CSMD3: variants seen among roughly 807,000 people sequenced by gnomAD.
The protein encoded by CSMD3 is CUB and sushi domain-containing protein 3.
A neutral mutation model predicts 435.2 loss-of-function variants in CSMD3; 177 were observed. The observed-to-expected ratio is 0.41, with a 90% CI of 0.36 to 0.46. The LOEUF (loss-of-function observed/expected upper bound fraction) is 0.46, where lower values mean the gene tolerates loss of function less well. Ranked by LOEUF, CSMD3 falls within the 20% of genes least tolerant of loss-of-function variation. The pLI is 0.34. For missense variants in CSMD3, 4,265 were observed against 4,504.6 expected (o/e 0.95, Z 1.52); for synonymous variants, 1,656 against 1,520.5 (o/e 1.09, Z -2.07).
At chr8:112,370,011 GGAA>G (rs201339318) in intron 38 of CSMD3, among the ~76,000 whole-genome samples, 7 of 39,116 alleles carry the variant, frequency 1.8e-4, no homozygotes, top group African/African-American at 5.0e-4. Context: ...AAGAGGAAGA[GGAA>G]GAAGAAGAGG....
At chr8:112,559,828 C>A (rs559088980) in intron 24 of CSMD3, among the ~76,000 whole-genome samples, 4 of 151,724 alleles carry the variant, frequency 2.6e-5, no homozygotes, top group Non-Finnish European at 5.9e-5. Flanking sequence ...ATAAATACAC[C>A]AAGGACAATT....
At chr8:112,681,959 A>G (rs1443764784) in intron 16 of CSMD3, among the ~76,000 whole-genome samples, 1 of 152,166 alleles carries the variant, frequency 6.6e-6, no homozygotes, top group African/African-American at 2.4e-5. Flanking sequence ...TTGGAAAAAT[A>G]AAAACTGAAA....
intron 11 of CSMD3, among the ~76,000 whole-genome samples, chr8:112,835,050 T>G (rs1036893513): frequency 2.0e-5 from 3 of 151,878 alleles, no homozygotes; most frequent in Non-Finnish European, 4.4e-5. Flanking sequence ...GATTGCTTAG[T>G]GTTGCTTATT....
chr8:112,552,470 G>T lies in CSMD3; in HGVS notation c.4361+124C>A. On this transcript the variant is annotated intron_variant, in intron 26 of 70. Transcript: ENST00000297405. ...CCTGCCTTCCGGTCTGGATGTCAGAGCAAGACTCTGCCTCAAGAAAAACAA... is the reference window on the plus strand; with the variant it reads ...CCTGCCTTCCGGTCTGGATGTCAGATCAAGACTCTGCCTCAAGAAAAACAA... 4.1e-6 allele frequency: 4 copies of T among 964,588 alleles called. No individual in the cohort carries two copies. In the South Asian group the frequency reaches 5.8e-5, roughly 14 times the overall value. 59.8% of individuals were successfully genotyped at this position (964,588 alleles called of 1,614,324 possible).
chr8:113,299,644 C>A (rs1186737742), intron 2 of CSMD3, among the ~76,000 whole-genome samples: 3 of 151,650 alleles, frequency 2.0e-5, no homozygotes, highest in Non-Finnish European at 4.4e-5. Context: ...CAGAGAAATG[C>A]AAATTAAAAC....
chr8:112,763,506 A>T (rs2077895825), intron 13 of CSMD3, among the ~76,000 whole-genome samples: 1 of 149,900 alleles, frequency 6.7e-6, no homozygotes, highest in East Asian at 1.9e-4. Flanking sequence ...TAATATTTGA[A>T]CATTTGAACA....
At position 113,134,700 on chromosome 8, in the gene CSMD3, T is replaced by C. The variant is rs867635852; in HGVS notation, c.710-35737A>G. 1.3e-3 allele frequency among the ~76,000 whole-genome samples: 196 copies of C among 152,152 alleles called. 1 individual carries two copies. Among genetic ancestry groups the C allele is most frequent in the African/African-American group, 4.5e-3 (188 of 41,554 alleles). On this transcript the variant is annotated intron_variant, in intron 4 of 70. Transcript: ENST00000297405. ...GTTTTCAACAGCCTTTATATTTACA[T>C]ATGTATATACTCCAGGTTGGATGTG...
intron 4 of CSMD3, among the ~76,000 whole-genome samples, chr8:113,103,674 AATATT>A (rs1448567585): frequency 6.6e-6 from 1 of 152,062 alleles, no homozygotes; most frequent in Non-Finnish European, 1.5e-5. Context: ...AATTGTTTAA[AATATT>A]ATAATATAAA....
At chr8:112,397,877 C>T (rs1830984631) in intron 35 of CSMD3, among the ~76,000 whole-genome samples, 1 of 152,142 alleles carries the variant, frequency 6.6e-6, no homozygotes, top group African/African-American at 2.4e-5. Flanking sequence ...TCCCTATAGC[C>T]CCACAAGTTA....
In CSMD3 at chr8:112,361,646, A is replaced by G. The variant is rs74662061; in HGVS notation, c.6137-9112T>C. Among the ~76,000 whole-genome samples, 516 of 140,486 alleles carry G rather than the reference A, an allele frequency of 3.7e-3. 3 individuals are homozygous for G. The highest frequency in any genetic ancestry group is 0.013 in the African/African-American group (495 of 38,400). The allele number at this position is 140,486 out of a possible 152,430, so 92.2% of individuals were successfully genotyped here. ...GTCCTAGTATTCCAAATTGATTTCAAATGAGTGATTAACGCATTGAGATAC... is the reference window on the plus strand; with the variant it reads ...GTCCTAGTATTCCAAATTGATTTCAGATGAGTGATTAACGCATTGAGATAC... On this transcript the variant is annotated intron_variant, in intron 38 of 70. Transcript: ENST00000297405.
chr8:113,356,873 G>A (rs2094232990), intron 1 of CSMD3, among the ~76,000 whole-genome samples: 1 of 151,936 alleles, frequency 6.6e-6, no homozygotes, highest in Non-Finnish European at 1.5e-5. Context: ...TTATTTATAT[G>A]TTCCTTAAGT....
intron 6 of CSMD3, among the ~76,000 whole-genome samples, chr8:113,015,504 T>C (rs2086422083): frequency 6.6e-6 from 1 of 151,926 alleles, no homozygotes. Flanking sequence ...GAATCAAGAA[T>C]ATAAAATTAC....
chr8:112,494,157 A>T (rs768917674), intron 30 of CSMD3, among the ~76,000 whole-genome samples: 1 of 152,212 alleles, frequency 6.6e-6, no homozygotes, highest in Non-Finnish European at 1.5e-5. Flanking sequence ...CTTTAAGAAG[A>T]ACACTATATA....
At chr8:112,962,550 A>G (rs530938516) in intron 7 of CSMD3, among the ~76,000 whole-genome samples, 2 of 151,990 alleles carry the variant, frequency 1.3e-5, no homozygotes, top group Non-Finnish European at 2.9e-5. Context: ...AAAAATACAG[A>G]AAGAAACAGA....
intron 59 of CSMD3, among the ~76,000 whole-genome samples, chr8:112,276,409 C>T (rs914952697): frequency 6.6e-6 from 1 of 152,214 alleles, no homozygotes; most frequent in African/African-American, 2.4e-5. Flanking sequence ...CTTCTCACAG[C>T]TCCACTAGGC....
intron 2 of CSMD3, among the ~76,000 whole-genome samples, chr8:113,305,575 T>C (rs926748275): frequency 2.6e-5 from 4 of 152,216 alleles, no homozygotes; most frequent in Admixed American, 1.3e-4. Context: ...CCAGTTTTAA[T>C]GGTTTAATTT....
At chr8:113,346,485 TA>T (rs1315389799) in intron 1 of CSMD3, among the ~76,000 whole-genome samples, 1 of 152,128 alleles carries the variant, frequency 6.6e-6, no homozygotes, top group Non-Finnish European at 1.5e-5. Flanking sequence ...CTGACTGTGG[TA>T]AAAACTAGCT....
At chr8:112,297,720 A>G (rs1229262596) in intron 53 of CSMD3, among the ~76,000 whole-genome samples, 1 of 152,186 alleles carries the variant, frequency 6.6e-6, no homozygotes, top group African/African-American at 2.4e-5. Context: ...TTTTTAAAAC[A>G]TCTTAAACTA....
Position 112,408,328 on chromosome 8 carries a change from A to C in CSMD3, c.5595T>G (p.Phe1865Leu). 6.2e-7 allele frequency: 1 copy of C among 1,600,084 alleles called. No individual in the cohort carries two copies. Among genetic ancestry groups the C allele is most frequent in the Non-Finnish European group, 8.6e-7 (1 of 1,167,562 alleles). The change falls in exon 34 of 71, where the codon TTT (phenylalanine) becomes TTG (leucine). Residue 1865 changes from phenylalanine to leucine, a missense_variant. Phe to Leu is a conservative substitution (Grantham distance 22). Transcript: ENST00000297405. ...VGPITAKGFH[F>L]VYQAVPRTSS... is the part of the protein sequence containing the mutation. ...TACAGGGTCACTTACCTTGGTAAAC[A>C]AAGTGAAATCCCTTAGCTGTTATTG...
Sources: allele counts gnomAD v4.1 joint callset (sites outside exome capture counted in the v4.1 genomes callset), GRCh38; gene constraint gnomAD v4.1.1; transcripts MANE v1.5; gene names NCBI Gene and HGNC (gene_info 2026-07-23, HGNC 2026-07-21).